CRYBG1: variants seen among roughly 807,000 people sequenced by gnomAD.
The protein encoded by CRYBG1 is crystallin beta-gamma domain containing 1.
Under a neutral mutation model 189.2 loss-of-function variants are expected in CRYBG1, and 139 were observed. That is an observed-to-expected ratio of 0.73 (90% CI 0.64 to 0.85). The LOEUF (loss-of-function observed/expected upper bound fraction) is 0.85, where lower values mean the gene tolerates loss of function less well. Among genes scored for constraint, CRYBG1 ranks in the 40% least tolerant of loss-of-function variants. CRYBG1 has a pLI of 0.00. For synonymous variants in CRYBG1, 1,023 were observed against 1,017.1 expected (o/e 1.01, Z -0.11); for missense variants, 2,611 against 2,675.8 (o/e 0.98, Z 0.53).
At chr6:106,562,538 G>C (rs1298145832) in intron 20 of CRYBG1, among the ~76,000 whole-genome samples, 12 of 152,142 alleles carry the variant, frequency 7.9e-5, no homozygotes, top group Admixed American at 7.9e-4. Flanking sequence ...CCAGGCTGGA[G>C]TGCAGTGGCA....
chr6:106,378,745 G>T (rs2114314166), intron 1 of CRYBG1, among the ~76,000 whole-genome samples: 1 of 152,310 alleles, frequency 6.6e-6, no homozygotes, highest in Admixed American at 6.5e-5. Context: ...ACAGTAGATA[G>T]AAAGAGAAAA....
rs140409441 is a variant in CRYBG1, at chr6:106,423,116, G to A, written c.174-28578G>A. ...GGAAAGAATCCATTTACCTTTTAATGAATGATCCCTTGATCTACAGAAAAT... is the reference window on the plus strand; with the variant it reads ...GGAAAGAATCCATTTACCTTTTAATAAATGATCCCTTGATCTACAGAAAAT... On this transcript the variant is annotated intron_variant, in intron 1 of 21. Transcript: ENST00000633556. Among the ~76,000 whole-genome samples the A allele has an allele frequency of 8.8e-4, 134 of 152,284 alleles. 1 individual carries two copies. Among genetic ancestry groups the A allele is most frequent in the African/African-American group, 3.0e-3 (126 of 41,550 alleles).
intron 1 of CRYBG1, among the ~76,000 whole-genome samples, chr6:106,444,405 G>A (rs189628266): frequency 6.6e-6 from 1 of 152,096 alleles, no homozygotes; most frequent in Non-Finnish European, 1.5e-5. Flanking sequence ...TGATAAAACC[G>A]AGCCGTTCCT....
intron 13 of CRYBG1, among the ~76,000 whole-genome samples, chr6:106,548,824 T>C (rs1774323957): frequency 6.6e-6 from 1 of 151,818 alleles, no homozygotes; most frequent in Non-Finnish European, 1.5e-5. Flanking sequence ...ACATGTGCCA[T>C]GTTGGTGTGC....
At chr6:106,402,063 T>G (rs1770730150) in intron 1 of CRYBG1, among the ~76,000 whole-genome samples, 1 of 117,096 alleles carries the variant, frequency 8.5e-6, no homozygotes, top group Non-Finnish European at 1.8e-5. Flanking sequence ...TCAAAGAGAA[T>G]AAAATACCTA....
chr6:106,433,732 TATAC>T (rs1170680045), intron 1 of CRYBG1, among the ~76,000 whole-genome samples: 3 of 44,790 alleles, frequency 6.7e-5, no homozygotes, highest in African/African-American at 5.1e-4. Flanking sequence ...TATATATATA[TATAC>T]ATATATATGT....
At chr6:106,463,051 G>A (rs1206325786) in intron 2 of CRYBG1, among the ~76,000 whole-genome samples, 10 of 152,188 alleles carry the variant, frequency 6.6e-5, no homozygotes, top group African/African-American at 2.4e-4. Context: ...CTATTTGGGA[G>A]GCTCAGGTGG....
intron 4 of CRYBG1, among the ~76,000 whole-genome samples, chr6:106,523,722 C>T (rs1283781647): frequency 7.2e-6 from 1 of 139,640 alleles, no homozygotes; most frequent in Non-Finnish European, 1.6e-5. Flanking sequence ...CTAGGGGGGC[C>T]CTTATGGCCT....
chr6:106,381,256 G>T (rs778628656), intron 1 of CRYBG1, among the ~76,000 whole-genome samples: 13 of 152,160 alleles, frequency 8.5e-5, no homozygotes, highest in Admixed American at 5.2e-4. Context: ...TAGTCATAAT[G>T]TGTCTGTTGA....
Position 106,494,216 on chromosome 6 carries a change from TG to T in CRYBG1, c.313-17209del, listed in dbSNP as rs113288078. ...AAGTAAAATTGTGGTTGCCAGAGGC[TG>T]GGGGTGGCAGGGGGTGGGCAGAGGA... On this transcript the variant is annotated intron_variant, in intron 2 of 21. Coordinates refer to ENST00000633556, the MANE Select transcript of CRYBG1 (RefSeq NM_001371242.2). Among the ~76,000 whole-genome samples, 469 of 145,114 alleles carry T rather than the reference TG, an allele frequency of 3.2e-3. 4 individuals are homozygous for T. The highest frequency in any genetic ancestry group is 0.011 in the African/African-American group (445 of 39,014).
chr6:106,547,204 A>ACG (rs1337906284), intron 13 of CRYBG1, among the ~76,000 whole-genome samples: 1 of 22,930 alleles, frequency 4.4e-5, no homozygotes, highest in African/African-American at 6.9e-5. Context: ...ACACACACAC[A>ACG]CACACACACC....
intron 2 of CRYBG1, among the ~76,000 whole-genome samples, chr6:106,469,466 G>A (rs6924968): frequency 0.54 from 82,557 of 151,980 alleles, 22,568 homozygotes; most frequent in Middle Eastern, 0.67. Context: ...TTAGGTGCTT[G>A]GTAAATATTT....
At chr6:106,414,734 T>A (rs111579246) in intron 1 of CRYBG1, among the ~76,000 whole-genome samples, 74 of 152,314 alleles carry the variant, frequency 4.9e-4, no homozygotes, top group Middle Eastern at 3.4e-3. Context: ...GGAGTACAAC[T>A]ATATGCACTT....
At chr6:106,451,509 G>T (rs1482054214) in intron 1 of CRYBG1, 185 bp from the exon 2 acceptor site, 7 of 479,156 alleles carry the variant, frequency 1.5e-5, no homozygotes, top group Non-Finnish European at 2.4e-5. Context: ...AGTCATCCAG[G>T]TTTATTTATA....
chr6:106,545,784 T>A (rs1242895405), intron 13 of CRYBG1, among the ~76,000 whole-genome samples: 1 of 152,166 alleles, frequency 6.6e-6, no homozygotes, highest in Non-Finnish European at 1.5e-5. Flanking sequence ...GCTTAAGCGA[T>A]CCTCCTGCTT....
intron 1 of CRYBG1, among the ~76,000 whole-genome samples, chr6:106,391,563 A>G (rs1770501224): frequency 7.4e-6 from 1 of 135,830 alleles, no homozygotes; most frequent in Non-Finnish European, 1.6e-5. Context: ...AAACCAGACC[A>G]TCAGTCTTTT....
chr6:106,511,064 T>G (rs1377426732), intron 2 of CRYBG1, among the ~76,000 whole-genome samples: 1 of 152,208 alleles, frequency 6.6e-6, no homozygotes, highest in African/African-American at 2.4e-5. Context: ...CATGGTCACA[T>G]GCACGGCTGT....
At chr6:106,501,323 G>T (rs1773006115) in intron 2 of CRYBG1, among the ~76,000 whole-genome samples, 1 of 152,048 alleles carries the variant, frequency 6.6e-6, no homozygotes, top group Admixed American at 6.6e-5. Flanking sequence ...CTGCAAAAAA[G>T]AGATTAAAAA....
At chr6:106,417,498 C>T (rs7775957) in intron 1 of CRYBG1, among the ~76,000 whole-genome samples, 5,089 of 152,260 alleles carry the variant, frequency 0.033, 255 homozygotes, top group African/African-American at 0.11. Context: ...AGATTACCAC[C>T]GTAGATATAA....
Sources: gnomAD v4.1 joint callset for allele counts (sites outside exome capture counted in the v4.1 genomes callset) on GRCh38, gnomAD v4.1.1 for gene constraint, MANE v1.5 for transcripts, NCBI Gene and HGNC (gene_info 2026-07-23, HGNC 2026-07-21) for gene names.